TDRD10: variants seen among roughly 807,000 people sequenced by gnomAD.
TDRD10 encodes tudor domain containing 10, also known as tudor domain-containing protein 10.
TDRD10 carries 40 observed loss-of-function variants against 48.0 expected under a neutral mutation model. The observed-to-expected ratio is 0.83, with a 90% confidence interval of 0.65 to 1.09. The LOEUF (loss-of-function observed/expected upper bound fraction) is 1.09, where lower values mean the gene tolerates loss of function less well. Ranked by LOEUF, TDRD10 falls within the 50% of genes least tolerant of loss-of-function variation. The pLI is 0.00. For missense variants in TDRD10, 378 were observed against 434.7 expected (o/e 0.87, Z 1.16); for synonymous variants, 162 against 170.4 (o/e 0.95, Z 0.38).
At chr1:154,513,919 G>C (rs1693613644) in intron 4 of TDRD10, among the ~76,000 whole-genome samples, 1 of 152,186 alleles carries the variant, frequency 6.6e-6, no homozygotes. Flanking sequence ...GCTGTGTTTG[G>C]TGGCTCACGC....
chr1:154,503,342 C>T (rs553307502), intron 1 of TDRD10, among the ~76,000 whole-genome samples: 19 of 152,264 alleles, frequency 1.2e-4, no homozygotes, highest in African/African-American at 4.3e-4. Context: ...AATCCCAGCA[C>T]TTTGGGAGGC....
At chr1:154,506,635 C>T (rs1257516050) in intron 1 of TDRD10, among the ~76,000 whole-genome samples, 3 of 152,216 alleles carry the variant, frequency 2.0e-5, no homozygotes, top group Non-Finnish European at 4.4e-5. Flanking sequence ...CTCGGCCTCC[C>T]AAAGTGTTGG....
At chr1:154,507,452 C>G in intron 3 of TDRD10, 132 bp downstream of exon 3, 4 of 1,062,390 alleles carry the variant, frequency 3.8e-6, no homozygotes, top group Non-Finnish European at 5.6e-6. Context: ...TGCTCTTCCT[C>G]CAGTCAGCCA....
chr1:154,534,270 A>G (rs1694805457), intron 6 of TDRD10, among the ~76,000 whole-genome samples: 1 of 152,202 alleles, frequency 6.6e-6, no homozygotes, highest in Admixed American at 6.5e-5. Context: ...TCCTGGGTTA[A>G]GATCTAGGCT....
At chr1:154,538,550 C>CAAAAAA (rs59257227) in intron 6 of TDRD10, among the ~76,000 whole-genome samples, 30 of 57,322 alleles carry the variant, frequency 5.2e-4, no homozygotes, top group South Asian at 2.3e-3. Flanking sequence ...AACTCTATCT[C>CAAAAAA]AAAAAAAAAA....
intron 8 of TDRD10, 61 bp downstream of exon 8, chr1:154,542,882 CAG>C (rs2149353007): frequency 7.1e-7 from 1 of 1,401,056 alleles, no homozygotes; most frequent in African/African-American, 1.4e-5. Flanking sequence ...CTCTGTCCCC[CAG>C]AGAGTGGGGA....
At chr1:154,537,757 G>A (rs768680834) in intron 6 of TDRD10, among the ~76,000 whole-genome samples, 9 of 152,132 alleles carry the variant, frequency 5.9e-5, no homozygotes, top group Non-Finnish European at 1.3e-4. Context: ...TTGTATTTTT[G>A]TTTCTCCTCT....
At chr1:154,506,521 G>A (rs1693164221) in intron 1 of TDRD10, among the ~76,000 whole-genome samples, 2 of 152,046 alleles carry the variant, frequency 1.3e-5, no homozygotes, top group Admixed American at 1.3e-4. Context: ...GATTACAGGT[G>A]CCTGTCACCA....
intron 4 of TDRD10, among the ~76,000 whole-genome samples, chr1:154,517,153 G>T (rs558462775): frequency 3.3e-4 from 51 of 152,252 alleles, no homozygotes; most frequent in African/African-American, 1.1e-3. Context: ...CTGTCATTTG[G>T]GGGTAGGCAT....
intron 4 of TDRD10, among the ~76,000 whole-genome samples, chr1:154,512,712 C>T (rs1693550491): frequency 6.6e-6 from 1 of 152,094 alleles, no homozygotes; most frequent in Non-Finnish European, 1.5e-5. Context: ...CTCTGATTAC[C>T]CAGTAGCAGT....
intron 6 of TDRD10, among the ~76,000 whole-genome samples, chr1:154,530,962 C>G (rs1694583248): frequency 6.6e-6 from 1 of 151,804 alleles, no homozygotes; most frequent in Non-Finnish European, 1.5e-5. Flanking sequence ...CCTCTGCCTC[C>G]CAAGTAGCTG....
At chr1:154,546,421 G>A (rs1044052492) in intron 11 of TDRD10, among the ~76,000 whole-genome samples, 283 of 145,902 alleles carry the variant, frequency 1.9e-3, no homozygotes, top group Middle Eastern at 7.1e-3. Flanking sequence ...TATATATTAC[G>A]TATATATTAT....
intron 6 of TDRD10, among the ~76,000 whole-genome samples, chr1:154,541,236 C>G (rs72999415): frequency 8.1e-6 from 1 of 122,950 alleles, no homozygotes; most frequent in Non-Finnish European, 1.7e-5. Flanking sequence ...TGAGCCAGAG[C>G]GGGAGGGAGC....
intron 6 of TDRD10, among the ~76,000 whole-genome samples, chr1:154,533,132 C>G (rs1694733770): frequency 6.6e-6 from 1 of 152,100 alleles, no homozygotes; most frequent in Non-Finnish European, 1.5e-5. Context: ...GCCTGCTTGG[C>G]CCTTTGTGAC....
intron 4 of TDRD10, among the ~76,000 whole-genome samples, chr1:154,520,072 T>C (rs1410521368): frequency 6.6e-6 from 1 of 152,186 alleles, no homozygotes; most frequent in Non-Finnish European, 1.5e-5. Flanking sequence ...TGAAACGGTG[T>C]GTTTAGTTAA....
At chr1:154,530,019 T>C (rs187952478) in intron 6 of TDRD10, among the ~76,000 whole-genome samples, 4 of 152,196 alleles carry the variant, frequency 2.6e-5, no homozygotes, top group African/African-American at 9.7e-5. Context: ...TCTTTTCTTT[T>C]TTTTTCTGAG....
intron 6 of TDRD10, among the ~76,000 whole-genome samples, chr1:154,535,417 G>T (rs1694871117): frequency 6.6e-6 from 1 of 151,772 alleles, no homozygotes; most frequent in African/African-American, 2.4e-5. Flanking sequence ...CATCTGCAGT[G>T]GTGTGTACCT....
At chr1:154,522,979 TATCTC>T (rs1306438408) in intron 6 of TDRD10, among the ~76,000 whole-genome samples, 14 of 152,132 alleles carry the variant, frequency 9.2e-5, no homozygotes, top group Admixed American at 2.0e-4. Context: ...GCAGTGGAGT[TATCTC>T]AGCTCACTGC....
At chr1:154,542,188 T>C in intron 7 of TDRD10, 122 bp downstream of exon 7, 2 of 953,128 alleles carry the variant, frequency 2.1e-6, no homozygotes, top group East Asian at 2.6e-5. Context: ...AGTGTAGAAA[T>C]ATCCCTTTTC....
Sources: gnomAD v4.1 joint callset for allele counts (sites outside exome capture counted in the v4.1 genomes callset) on GRCh38, gnomAD v4.1.1 for gene constraint, MANE v1.5 for transcripts, NCBI Gene and HGNC (gene_info 2026-07-23, HGNC 2026-07-21) for gene names.